NLGN1: variants seen among roughly 807,000 people sequenced by gnomAD.
The protein encoded by NLGN1 is neuroligin-1.
Under a neutral mutation model 65.5 loss-of-function variants are expected in NLGN1, and 12 were observed. That is an observed-to-expected ratio of 0.18 (90% confidence interval 0.12 to 0.30). NLGN1 has a LOEUF of 0.30. NLGN1 is among the 10% of genes least tolerant of loss of function. The pLI, the probability that NLGN1 is intolerant of heterozygous loss-of-function variation, is 1.00. For synonymous variants in NLGN1, 350 were observed against 359.5 expected (o/e 0.97, Z 0.30); for missense variants, 750 against 1,007.1 (o/e 0.74, Z 3.46).
chr3:173,483,908 A>C (rs1250476128), intron 2 of NLGN1, among the ~76,000 whole-genome samples: 3 of 152,174 alleles, frequency 2.0e-5, no homozygotes, highest in African/African-American at 7.2e-5. Flanking sequence ...AATTTCATTA[A>C]ACTTTGCCTG....
intron 1 of NLGN1, among the ~76,000 whole-genome samples, chr3:173,415,919 GGAGA>G (rs1167795390): frequency 0.02 from 2,485 of 125,226 alleles, 81 homozygotes; most frequent in African/African-American, 0.075. Context: ...AGAGAGAGAG[GGAGA>G]GAGAGAGAGA....
At chr3:173,564,729 G>A (rs1490639860) in intron 2 of NLGN1, among the ~76,000 whole-genome samples, 1 of 152,178 alleles carries the variant, frequency 6.6e-6, no homozygotes, top group Non-Finnish European at 1.5e-5. Flanking sequence ...AACACAAGAA[G>A]TCAATCATTG....
chr3:173,979,284 A>G (rs1718239004), intron 4 of NLGN1, among the ~76,000 whole-genome samples: 1 of 152,096 alleles, frequency 6.6e-6, no homozygotes, highest in Non-Finnish European at 1.5e-5. Flanking sequence ...GGATACCAAG[A>G]GGTGACTTTG....
chr3:174,038,805 G>A (rs1731668740), intron 4 of NLGN1, among the ~76,000 whole-genome samples: 1 of 152,080 alleles, frequency 6.6e-6, no homozygotes. Flanking sequence ...TGTCCAGGTG[G>A]CCTTTCACAA....
intron 4 of NLGN1, among the ~76,000 whole-genome samples, chr3:173,843,237 C>T (rs1725119017): frequency 1.3e-5 from 2 of 152,232 alleles, no homozygotes; most frequent in African/African-American, 4.8e-5. Context: ...CACACAAAAC[C>T]ACTTTTTCCT....
chr3:174,293,017 C>T, the NLGN1 span, among the ~76,000 whole-genome samples: 1 of 151,130 alleles, frequency 6.6e-6, no homozygotes, highest in Non-Finnish European at 1.5e-5. Context: ...CTTGTATCCT[C>T]AATAAATAAA....
chr3:173,828,486 A>G (rs1332585676), intron 4 of NLGN1, among the ~76,000 whole-genome samples: 4 of 152,172 alleles, frequency 2.6e-5, no homozygotes, highest in African/African-American at 9.6e-5. Flanking sequence ...TATGCTAGAT[A>G]CTGATCTAGG....
chr3:173,559,461 T>C (rs773142014), intron 2 of NLGN1, among the ~76,000 whole-genome samples: 2 of 152,224 alleles, frequency 1.3e-5, no homozygotes, highest in Non-Finnish European at 2.9e-5. Flanking sequence ...GGCTCACCTA[T>C]TGAATGCTTG....
At chr3:174,118,812 C>T (rs7641391) in intron 4 of NLGN1, among the ~76,000 whole-genome samples, 42,015 of 151,786 alleles carry the variant, frequency 0.28, 7,547 homozygotes, top group African/African-American at 0.52. Context: ...AATTGGTGGC[C>T]GTGTATTACA....
At chr3:173,492,704 CA>C (rs1729382237) in intron 2 of NLGN1, among the ~76,000 whole-genome samples, 1 of 151,546 alleles carries the variant, frequency 6.6e-6, no homozygotes, top group African/African-American at 2.4e-5. Context: ...GAATCCATTG[CA>C]AAAACAATAG....
intron 4 of NLGN1, among the ~76,000 whole-genome samples, chr3:173,963,862 G>A (rs1216835914): frequency 6.6e-6 from 1 of 152,156 alleles, no homozygotes; most frequent in African/African-American, 2.4e-5. Context: ...GTGCATTCAG[G>A]AGTAAATGGT....
chr3:173,508,223 G>A (rs575284030), intron 2 of NLGN1, among the ~76,000 whole-genome samples: 1 of 152,088 alleles, frequency 6.6e-6, no homozygotes, highest in African/African-American at 2.4e-5. Flanking sequence ...CATAATGTTA[G>A]TGTTATGATT....
chr3:173,481,103 A>T (rs1727207526), intron 2 of NLGN1, among the ~76,000 whole-genome samples: 1 of 152,072 alleles, frequency 6.6e-6, no homozygotes, highest in African/African-American at 2.4e-5. Flanking sequence ...GAAAGCTGGC[A>T]TTCAAATCAA....
At position 174,244,503 on chromosome 3, in the gene NLGN1, G is replaced by A. The variant is rs541028659; in HGVS notation, c.647-30812G>A. ...ACAGAACAATGTTTTTCAAATAAATGTCTTTTAATTATTACTTTATTGAAG... is the reference window on the plus strand; with the variant it reads ...ACAGAACAATGTTTTTCAAATAAATATCTTTTAATTATTACTTTATTGAAG... On this transcript the variant is annotated intron_variant, in intron 4 of 6. Transcript: ENST00000457714. Among the ~76,000 whole-genome samples, 9 of 152,216 alleles carry A rather than the reference G, an allele frequency of 5.9e-5. No individual in the cohort carries two copies. The South Asian group carries it at 6.2e-4, about 11-fold the overall frequency.
rs1470946773 is a variant in NLGN1 at position 173,972,816 on chromosome 3, TCTC to T, written c.646+164987_646+164989del. 1.1e-4 allele frequency among the ~76,000 whole-genome samples: 17 copies of T among 151,980 alleles called. 1 individual carries two copies. The highest frequency in any genetic ancestry group is 2.4e-4 in the Non-Finnish European group (16 of 67,992). On this transcript the variant is annotated intron_variant, in intron 4 of 6. Coordinates refer to ENST00000457714, the Ensembl canonical transcript of NLGN1. Reference sequence around the variant, plus strand: ...GGTCCCCAGGCTAGTAGCATCAACATCTCCTGCAAAATTGTTATACATCCAACT... The same window carrying T: ...GGTCCCCAGGCTAGTAGCATCAACATCTGCAAAATTGTTATACATCCAACT...
chr3:173,875,713 G>A (rs1054973874), intron 4 of NLGN1, among the ~76,000 whole-genome samples: 44 of 152,046 alleles, frequency 2.9e-4, no homozygotes, highest in Non-Finnish European at 1.3e-4. Flanking sequence ...AAACAGTTGT[G>A]CTTTCAATTA....
At chr3:174,034,791 A>C (rs1416713935) in intron 4 of NLGN1, among the ~76,000 whole-genome samples, 1 of 152,204 alleles carries the variant, frequency 6.6e-6, no homozygotes, top group African/African-American at 2.4e-5. Context: ...AGCAAATGTA[A>C]CAAATGGAAT....
At chr3:174,010,262 C>T (rs1198334846) in intron 4 of NLGN1, among the ~76,000 whole-genome samples, 1 of 152,142 alleles carries the variant, frequency 6.6e-6, no homozygotes, top group African/African-American at 2.4e-5. Flanking sequence ...TAGCCATTTG[C>T]TCCCTTAAAA....
chr3:174,183,108 CTCTT>C (rs1171203032), intron 4 of NLGN1, among the ~76,000 whole-genome samples: 2 of 152,008 alleles, frequency 1.3e-5, no homozygotes, highest in African/African-American at 4.8e-5. Flanking sequence ...CTTCACCACA[CTCTT>C]TCTTACCTCT....
Sources: gnomAD v4.1 joint callset for allele counts (sites outside exome capture counted in the v4.1 genomes callset) on GRCh38, gnomAD v4.1.1 for gene constraint, MANE v1.5 for transcripts, NCBI Gene and HGNC (gene_info 2026-07-23, HGNC 2026-07-21) for gene names.